The following KLHDC1 variants were observed in gnomAD, a reference collection of about 807,000 sequenced individuals.
KLHDC1 encodes the protein kelch domain containing 1, also known as kelch domain-containing protein 1.
Under a neutral mutation model 68.3 loss-of-function variants are expected in KLHDC1, and 53 were observed. That is an observed-to-expected ratio of 0.78 (90% CI 0.62 to 0.98). KLHDC1 has a LOEUF of 0.98. Ranked by LOEUF, KLHDC1 falls within the 50% of genes least tolerant of loss-of-function variation. The pLI is 0.00. For synonymous variants in KLHDC1, 148 were observed against 159.0 expected (o/e 0.93, Z 0.52); for missense variants, 470 against 492.3 (o/e 0.95, Z 0.43).
At chr14:49,711,197 T>G (rs1387905413) in intron 4 of KLHDC1, among the ~76,000 whole-genome samples, 1 of 151,964 alleles carries the variant, frequency 6.6e-6, no homozygotes, top group Non-Finnish European at 1.5e-5. Context: ...TTTATTTGTT[T>G]GTTTATTTAT....
intron 4 of KLHDC1, among the ~76,000 whole-genome samples, chr14:49,721,876 A>G (rs1310284341): frequency 1.3e-5 from 2 of 152,118 alleles, no homozygotes; most frequent in African/African-American, 4.8e-5. Flanking sequence ...TCAGCCTTGC[A>G]TCTCCTCCCC....
chr14:49,717,792 C>T (rs1888417596), intron 4 of KLHDC1, among the ~76,000 whole-genome samples: 1 of 151,838 alleles, frequency 6.6e-6, no homozygotes, highest in Admixed American at 6.6e-5. Context: ...CATTCTTGGG[C>T]TTTTCTTTCT....
Position 49,751,656 on chromosome 14 carries a change from C to T in KLHDC1, c.1105C>T (p.Leu369Phe). Reference sequence around the variant, plus strand: ...TCAGATATCTTTATTACCTCCTAAACTTCTGCAACAAGTACTCAAAAAAAT... The same window carrying T: ...TCAGATATCTTTATTACCTCCTAAATTTCTGCAACAAGTACTCAAAAAAAT... ...ESQISLLPPK[L>F]LQQVLKKITF... Residue 369 changes from leucine to phenylalanine, a missense_variant, in exon 13 of 13, where the codon CTT becomes TTT. Physicochemically the swap from Leu to Phe is conservative, Grantham distance 22. Coordinates refer to ENST00000359332, the MANE Select transcript of KLHDC1 (RefSeq NM_172193.3). The T allele has an allele frequency of 1.2e-6, 2 of 1,605,110 alleles. No homozygotes were observed. Among genetic ancestry groups the T allele is most frequent in the South Asian group, 2.2e-5 (2 of 90,154 alleles).
intron 9 of KLHDC1, among the ~76,000 whole-genome samples, chr14:49,733,386 C>T (rs1186023437): frequency 6.6e-6 from 1 of 150,928 alleles, no homozygotes; most frequent in Non-Finnish European, 1.5e-5. Flanking sequence ...ATATTGACTT[C>T]TTAATTTGGC....
At chr14:49,705,017 A>G (rs1888010438) in intron 1 of KLHDC1, among the ~76,000 whole-genome samples, 1 of 152,176 alleles carries the variant, frequency 6.6e-6, no homozygotes, top group Non-Finnish European at 1.5e-5. Flanking sequence ...GTACAGGACT[A>G]TGAGGGCCTC....
intron 4 of KLHDC1, among the ~76,000 whole-genome samples, chr14:49,719,553 T>C (rs1888473214): frequency 6.6e-6 from 1 of 151,798 alleles, no homozygotes; most frequent in East Asian, 1.9e-4. Flanking sequence ...CTCAGCCTCC[T>C]GAGTAGCTGG....
chr14:49,731,350 G>A (rs1441336005), intron 8 of KLHDC1, among the ~76,000 whole-genome samples: 4 of 152,178 alleles, frequency 2.6e-5, no homozygotes, highest in Admixed American at 1.3e-4. Context: ...AAAACAAATT[G>A]TATCTTCCAA....
chr14:49,699,421 T>TAAA (rs75035029), intron 1 of KLHDC1, among the ~76,000 whole-genome samples: 1 of 136,238 alleles, frequency 7.3e-6, no homozygotes. Context: ...GTATAGGCTT[T>TAAA]AAAAAAAAAA....
rs190164290 is a variant in KLHDC1 at position 49,732,893 on chromosome 14, T to C, written c.823+77T>C. 4,957 of 747,068 alleles carry C rather than the reference T, an allele frequency of 6.6e-3. 67 individuals are homozygous for C. Among genetic ancestry groups the C allele is most frequent in the Non-Finnish European group, 4.9e-3 (2,189 of 443,692 alleles). 46.3% of individuals were successfully genotyped at this position (747,068 alleles called of 1,614,324 possible). A position where few individuals can be genotyped will look rare whatever the true frequency, so the allele number is the denominator to read the frequency against. On this transcript the variant is annotated intron_variant, in intron 9 of 12. Coordinates refer to ENST00000359332, the MANE Select transcript of KLHDC1 (RefSeq NM_172193.3). ...ATTGTATTTCATACTTACAGTGAAG[T>C]AAATCTTCCTTTTTTCCTGTTTTTC... is the stretch of plus-strand genomic sequence containing the variant.
chr14:49,729,540 G>A lies in KLHDC1; in HGVS notation c.702G>A (p.Trp234Ter). The A allele has an allele frequency of 6.2e-7, 1 of 1,606,662 alleles. No individual in the cohort carries two copies. The change falls in exon 8 of 13, where the codon TGG (tryptophan) becomes TGA (stop). Residue 234 changes from tryptophan to a stop codon, truncating the protein, a stop_gained. Coordinates refer to ENST00000359332, the MANE Select transcript of KLHDC1 (RefSeq NM_172193.3). LOFTEE classifies it high-confidence loss of function. ...LHYLNLDTWT[W>*]SGRITINGES... Reference sequence around the variant, plus strand: ...ATCTAAACCTAGACACCTGGACTTGGTCTGGAAGGTAAGTTTGAAGTCTAA... The same window carrying A: ...ATCTAAACCTAGACACCTGGACTTGATCTGGAAGGTAAGTTTGAAGTCTAA...
intron 4 of KLHDC1, among the ~76,000 whole-genome samples, chr14:49,713,827 TATATATATATA>T (rs1160417936): frequency 0.065 from 407 of 6,250 alleles, 52 homozygotes; most frequent in Non-Finnish European, 0.089. Flanking sequence ...TATATATATA[TATATATATATA>T]TATATATATA....
rs776096262 is a variant in KLHDC1, at chr14:49,725,716, G to T, written c.514G>T (p.Asp172Tyr). The change falls in exon 6 of 13, where the codon GAT becomes TAT. Residue 172 changes from aspartate to tyrosine, a missense_variant. Coordinates refer to ENST00000359332, the MANE Select transcript of KLHDC1 (RefSeq NM_172193.3). The stretch of plus-strand genomic sequence containing the variant: ...GCAGATATTCTGGGGATGGCATAAT[G>T]ATGTCCACATATTTGACACAAAGAC... ...EEQIFWGWHNDVHIFDTKTQT... is the reference protein window; with the variant it reads ...EEQIFWGWHNYVHIFDTKTQT... The T allele has an allele frequency of 6.8e-7, 1 of 1,464,810 alleles. No individual in the cohort carries two copies. Among genetic ancestry groups the T allele is most frequent in the South Asian group, 1.2e-5 (1 of 81,802 alleles). The allele number at this position is 1,464,810 out of a possible 1,614,324, so 90.7% of individuals were successfully genotyped here.
Position 49,709,223 on chromosome 14 carries a change from G to T in KLHDC1, c.161G>T (p.Gly54Val). The change falls in exon 2 of 13, where the codon GGG becomes GTG. Residue 54 changes from glycine (G) to valine (V), a missense_variant. Coordinates refer to ENST00000359332, the MANE Select transcript of KLHDC1 (RefSeq NM_172193.3). ...DEIWTYDIDS[G>V]LWRMHLMEGE... is the part of the protein sequence containing the mutation. Reference sequence around the variant, plus strand: ...ATTTGGACCTATGATATTGATAGTGGGTTGTGGTAAGTAATTTTAAATTGC... The same window carrying T: ...ATTTGGACCTATGATATTGATAGTGTGTTGTGGTAAGTAATTTTAAATTGC... 1 of 1,344,710 alleles carries T rather than the reference G, an allele frequency of 7.4e-7. No homozygotes were observed. The highest frequency in any genetic ancestry group is 1.0e-6 in the Non-Finnish European group (1 of 954,324). The allele number at this position is 1,344,710 out of a possible 1,614,324, so 83.3% of individuals were successfully genotyped here. A position where few individuals can be genotyped will look rare whatever the true frequency, so the allele number is the denominator to read the frequency against.
At chr14:49,742,762 A>G (rs1889095521) in intron 11 of KLHDC1, among the ~76,000 whole-genome samples, 1 of 151,304 alleles carries the variant, frequency 6.6e-6, no homozygotes, top group Non-Finnish European at 1.5e-5. Context: ...TTTACATATG[A>G]GTTATTTGAA....
At chr14:49,721,968 A>C (rs1450084649) in intron 4 of KLHDC1, among the ~76,000 whole-genome samples, 1 of 152,160 alleles carries the variant, frequency 6.6e-6, no homozygotes, top group Non-Finnish European at 1.5e-5. Flanking sequence ...TCCTGTTTGC[A>C]TCACAAACTT....
intron 9 of KLHDC1, 66 bp from the exon 10 acceptor site, chr14:49,734,522 TG>T (rs1336779525): frequency 9.2e-5 from 80 of 870,242 alleles, no homozygotes; most frequent in Middle Eastern, 2.3e-4. Context: ...CATGATAAAT[TG>T]GGGGGAAAAT....
intron 11 of KLHDC1, among the ~76,000 whole-genome samples, chr14:49,743,323 C>T (rs1172204736): frequency 6.7e-5 from 10 of 149,650 alleles, no homozygotes; most frequent in Admixed American, 6.0e-4. Flanking sequence ...TCGCTTGAAC[C>T]TGGGAGTTGG....
chr14:49,697,250 A>G (rs1451785283), intron 1 of KLHDC1, among the ~76,000 whole-genome samples: 1 of 152,100 alleles, frequency 6.6e-6, no homozygotes, highest in Admixed American at 6.6e-5. Context: ...TACTTTCAAT[A>G]TTGTTGTATC....
intron 4 of KLHDC1, among the ~76,000 whole-genome samples, chr14:49,714,811 A>G (rs1045520791): frequency 5.0e-4 from 74 of 149,214 alleles, no homozygotes; most frequent in African/African-American, 1.7e-3. Flanking sequence ...TATATAACAT[A>G]TACTTTAGCA....
Sources: gnomAD v4.1 joint callset for allele counts (sites outside exome capture counted in the v4.1 genomes callset) on GRCh38, gnomAD v4.1.1 for gene constraint, MANE v1.5 for transcripts, NCBI Gene and HGNC (gene_info 2026-07-23, HGNC 2026-07-21) for gene names.